ATRNL1: variants seen among roughly 807,000 people sequenced by gnomAD.
ATRNL1 encodes attractin-like protein 1.
ATRNL1 carries 95 observed loss-of-function variants against 182.7 expected under a neutral mutation model. The observed-to-expected ratio is 0.52, with a 90% CI of 0.44 to 0.62. The LOEUF (loss-of-function observed/expected upper bound fraction) is 0.62, where lower values mean the gene tolerates loss of function less well. Ranked by LOEUF, ATRNL1 falls within the 20% of genes least tolerant of loss-of-function variation. The pLI, the probability that ATRNL1 is intolerant of heterozygous loss-of-function variation, is 0.00. For synonymous variants in ATRNL1, 576 were observed against 568.3 expected (o/e 1.01, Z -0.19); for missense variants, 1,471 against 1,679.5 (o/e 0.88, Z 2.17).
At chr10:115,719,771 T>C (rs1169138354) in intron 26 of ATRNL1, among the ~76,000 whole-genome samples, 1 of 152,096 alleles carries the variant, frequency 6.6e-6, no homozygotes, top group African/African-American at 2.4e-5. Context: ...ACTGATTTGA[T>C]TAACAACTTT....
At chr10:115,170,798 TA>T (rs1847257293) in intron 7 of ATRNL1, among the ~76,000 whole-genome samples, 2 of 152,042 alleles carry the variant, frequency 1.3e-5, no homozygotes. Context: ...ATGTGATAGT[TA>T]AAAAATATAT....
intron 26 of ATRNL1, among the ~76,000 whole-genome samples, chr10:115,589,823 T>C (rs1364895077): frequency 1.3e-5 from 2 of 152,234 alleles, no homozygotes; most frequent in Non-Finnish European, 2.9e-5. Flanking sequence ...AAGATTACTC[T>C]GTTAGTCTTC....
rs1464460972 is a variant in ATRNL1, at chr10:115,935,366, G to T, written c.4019-9292G>T. The stretch of plus-strand genomic sequence containing the variant: ...GTTGATGTTAACAGAATCAATCATA[G>T]TTTTTTTGTATTATTATCATTATTG... On this transcript the variant is annotated intron_variant, in intron 28 of 28. Transcript: ENST00000355044. Among the ~76,000 whole-genome samples, 3 of 152,208 alleles carry T rather than the reference G, an allele frequency of 2.0e-5. No individual in the cohort carries two copies. In the East Asian group the frequency reaches 5.8e-4, roughly 29 times the overall value.
At chr10:115,796,493 G>A (rs1180084169) in intron 27 of ATRNL1, among the ~76,000 whole-genome samples, 3 of 152,102 alleles carry the variant, frequency 2.0e-5, no homozygotes, top group African/African-American at 7.2e-5. Context: ...TCACCCACTG[G>A]ACTGAAGTTC....
intron 28 of ATRNL1, among the ~76,000 whole-genome samples, chr10:115,920,910 A>G (rs1953037915): frequency 6.6e-6 from 1 of 152,232 alleles, no homozygotes; most frequent in Non-Finnish European, 1.5e-5. Context: ...ACTAATGTAT[A>G]TATAGAAGAC....
chr10:115,432,942 T>C (rs1247978819), intron 21 of ATRNL1, among the ~76,000 whole-genome samples: 2 of 151,924 alleles, frequency 1.3e-5, no homozygotes, highest in African/African-American at 4.8e-5. Context: ...AGAATGAGAG[T>C]ACATAAAGTC....
At chr10:115,432,848 G>T (rs1352429518) in intron 21 of ATRNL1, among the ~76,000 whole-genome samples, 3 of 151,594 alleles carry the variant, frequency 2.0e-5, no homozygotes, top group African/African-American at 7.3e-5. Context: ...TCTTTTAATT[G>T]TAATAACAAT....
intron 26 of ATRNL1, among the ~76,000 whole-genome samples, chr10:115,611,335 T>C (rs1857149414): frequency 6.6e-6 from 1 of 152,156 alleles, no homozygotes; most frequent in Non-Finnish European, 1.5e-5. Flanking sequence ...ATCTTACTTA[T>C]CTCGGGTTGT....
intron 15 of ATRNL1, among the ~76,000 whole-genome samples, chr10:115,289,546 G>T (rs951864957): frequency 7.3e-5 from 11 of 151,666 alleles, no homozygotes; most frequent in African/African-American, 2.4e-4. Flanking sequence ...CCATTTTTTT[G>T]TTGTTGTTTT....
intron 28 of ATRNL1, among the ~76,000 whole-genome samples, chr10:115,919,679 A>C (rs184281536): frequency 6.6e-6 from 1 of 152,132 alleles, no homozygotes; most frequent in African/African-American, 2.4e-5. Flanking sequence ...GTCTTAGTCC[A>C]TGGGCTGTTA....
At chr10:115,111,929 G>A (rs1313417094) in intron 1 of ATRNL1, among the ~76,000 whole-genome samples, 1 of 152,108 alleles carries the variant, frequency 6.6e-6, no homozygotes, top group Non-Finnish European at 1.5e-5. Context: ...TGTATTGCAA[G>A]GTAGGACAAC....
intron 9 of ATRNL1, among the ~76,000 whole-genome samples, chr10:115,230,913 GAGAGAGAGAA>G (rs1248477177): frequency 2.0e-4 from 23 of 117,646 alleles, no homozygotes; most frequent in African/African-American, 6.0e-4. Flanking sequence ...GAGAGAGAGA[GAGAGAGAGAA>G]AGAGAGAAAT....
intron 28 of ATRNL1, among the ~76,000 whole-genome samples, chr10:115,927,216 C>A (rs1555120539): frequency 6.6e-6 from 1 of 152,130 alleles, no homozygotes; most frequent in East Asian, 1.9e-4. Context: ...AATTCAACAT[C>A]CCTTCATGTT....
At chr10:115,570,066 A>G (rs1000823232) in intron 26 of ATRNL1, among the ~76,000 whole-genome samples, 4 of 152,100 alleles carry the variant, frequency 2.6e-5, no homozygotes, top group Admixed American at 2.6e-4. Flanking sequence ...TGTTCAAGCA[A>G]TTCTTCTGCC....
At chr10:115,436,621 G>C in intron 21 of ATRNL1, among the ~76,000 whole-genome samples, 1 of 152,040 alleles carries the variant, frequency 6.6e-6, no homozygotes, top group Non-Finnish European at 1.5e-5. Context: ...GGAAAAACTA[G>C]TATTTATTAA....
At chr10:115,621,962 A>C (rs928479388) in intron 26 of ATRNL1, among the ~76,000 whole-genome samples, 5 of 152,216 alleles carry the variant, frequency 3.3e-5, no homozygotes, top group Non-Finnish European at 5.9e-5. Flanking sequence ...AAAATAGGGC[A>C]TCTTGGCCTG....
At chr10:115,180,077 C>T (rs1554887608) in intron 8 of ATRNL1, among the ~76,000 whole-genome samples, 1 of 151,908 alleles carries the variant, frequency 6.6e-6, no homozygotes, top group African/African-American at 2.4e-5. Context: ...GTCTTACTAG[C>T]AAAATACCTC....
At chr10:115,537,453 A>C in intron 25 of ATRNL1, among the ~76,000 whole-genome samples, 1 of 152,298 alleles carries the variant, frequency 6.6e-6, no homozygotes, top group Middle Eastern at 3.4e-3. Context: ...ACTCATTTAA[A>C]TCCTCTTTCC....
intron 25 of ATRNL1, among the ~76,000 whole-genome samples, chr10:115,548,247 C>A (rs2133806364): frequency 6.6e-6 from 1 of 152,332 alleles, no homozygotes; most frequent in Non-Finnish European, 1.5e-5. Context: ...AGCACAGCAT[C>A]TGGAATGTGC....
Sources: gnomAD v4.1 joint callset for allele counts (sites outside exome capture counted in the v4.1 genomes callset) on GRCh38, gnomAD v4.1.1 for gene constraint, MANE v1.5 for transcripts, NCBI Gene and HGNC (gene_info 2026-07-23, HGNC 2026-07-21) for gene names.